The following ZMYM5 variants were observed in gnomAD, a reference collection of about 807,000 sequenced individuals.
The protein encoded by ZMYM5 is zinc finger MYM-type protein 5.
ZMYM5 carries 41 observed loss-of-function variants against 61.8 expected under a neutral mutation model. The observed-to-expected ratio is 0.66, with a 90% confidence interval of 0.52 to 0.86. The LOEUF (loss-of-function observed/expected upper bound fraction) is 0.86. ZMYM5 is among the 40% of genes least tolerant of loss of function. The pLI is 0.00. For missense variants in ZMYM5, 706 were observed against 786.7 expected (o/e 0.90, Z 1.23); for synonymous variants, 257 against 276.4 (o/e 0.93, Z 0.70).
chr13:19,850,972 G>A (rs766797187), intron 4 of ZMYM5, among the ~76,000 whole-genome samples: 5 of 152,216 alleles, frequency 3.3e-5, no homozygotes, highest in Non-Finnish European at 7.3e-5. Context: ...ACTTTGGGAA[G>A]CCAAGACAGG....
At chr13:19,845,129 T>G (rs1953031790) in intron 4 of ZMYM5, among the ~76,000 whole-genome samples, 1 of 152,186 alleles carries the variant, frequency 6.6e-6, no homozygotes, top group Non-Finnish European at 1.5e-5. Flanking sequence ...AATAACAAAC[T>G]ACTAAATGAC....
chr13:19,825,816 G>A (rs951698906), intron 7 of ZMYM5, among the ~76,000 whole-genome samples: 3 of 152,084 alleles, frequency 2.0e-5, no homozygotes, highest in African/African-American at 7.2e-5. Flanking sequence ...CAAGGCGGGT[G>A]GATCAGTTGA....
chr13:19,838,574 A>G, intron 5 of ZMYM5, 126 bp downstream of exon 5: 1 of 1,219,278 alleles, frequency 8.2e-7, no homozygotes, highest in Non-Finnish European at 1.1e-6. Flanking sequence ...CTCAAGCTCA[A>G]TAAACTTGAA....
At position 19,852,154 on chromosome 13, in the gene ZMYM5, T is replaced by C. The variant is rs1226603884; in HGVS notation, c.27A>G (p.Leu9=). The change falls in exon 3 of 8, where the codon TTA becomes TTG. Residue 9 remains leucine (L), a synonymous_variant. Coordinates refer to ENST00000337963, the MANE Select transcript of ZMYM5 (RefSeq NM_001142684.2). MEKCSVGG[L]ELTEQTPALL... ...AAGCAGGAGTCTGTTCAGTCAACTC[T>C]AATCCTCCCACTGAACATTTTTCCA... The C allele has an allele frequency of 6.2e-7, 1 of 1,606,722 alleles. No homozygotes were observed. The highest frequency in any genetic ancestry group is 8.5e-7 in the Non-Finnish European group (1 of 1,178,074).
intron 4 of ZMYM5, among the ~76,000 whole-genome samples, chr13:19,845,446 T>C (rs1953041560): frequency 6.6e-6 from 1 of 152,202 alleles, no homozygotes; most frequent in Non-Finnish European, 1.5e-5. Flanking sequence ...ATGAATGTTA[T>C]CCTAACACCA....
At chr13:19,832,507 A>C (rs183325275) in intron 7 of ZMYM5, among the ~76,000 whole-genome samples, 1 of 150,166 alleles carries the variant, frequency 6.7e-6, no homozygotes, top group East Asian at 2.0e-4. Context: ...TTGCCTTTTT[A>C]GTAGAGACAG....
chr13:19,859,568 G>T (rs1953649459), intron 2 of ZMYM5, among the ~76,000 whole-genome samples: 1 of 150,518 alleles, frequency 6.6e-6, no homozygotes. Flanking sequence ...ATGCCCAGCT[G>T]ATTTTTTTTT....
At chr13:19,837,344 A>G in intron 6 of ZMYM5, 4 of 1,173,840 alleles carry the variant, frequency 3.4e-6, no homozygotes, top group Admixed American at 4.1e-5. Context: ...CCAGCCCTTG[A>G]CCCCCAACTC....
chr13:19,861,720 A>C (rs914294939), intron 2 of ZMYM5, among the ~76,000 whole-genome samples: 6 of 152,174 alleles, frequency 3.9e-5, no homozygotes, highest in African/African-American at 1.4e-4. Context: ...TAAAGAAAAA[A>C]AAATCATTTT....
chr13:19,846,961 T>C (rs67962876), intron 4 of ZMYM5, among the ~76,000 whole-genome samples: 6 of 150,870 alleles, frequency 4.0e-5, no homozygotes, highest in African/African-American at 1.2e-4. Context: ...ATGAAAAAAA[T>C]TTTTTTGAGA....
At chr13:19,850,347 C>G (rs1231281643) in intron 4 of ZMYM5, among the ~76,000 whole-genome samples, 1 of 152,124 alleles carries the variant, frequency 6.6e-6, no homozygotes, top group African/African-American at 2.4e-5. Context: ...CACCTGTAAT[C>G]CCAGCACTTG....
intron 7 of ZMYM5, among the ~76,000 whole-genome samples, chr13:19,833,842 T>C (rs6490487): frequency 0.69 from 104,593 of 152,134 alleles, 38,665 homozygotes; most frequent in East Asian, 0.89. Context: ...CAAATCAGTC[T>C]GAAAGAAAAT....
chr13:19,847,948 C>T (rs924078271), intron 4 of ZMYM5, among the ~76,000 whole-genome samples: 8 of 150,734 alleles, frequency 5.3e-5, no homozygotes, highest in South Asian at 4.2e-4. Flanking sequence ...CCACTGCGCC[C>T]GGACTAGTTT....
rs1251546539 is a variant in ZMYM5, at chr13:19,824,439, A to T, written c.*38T>A. 7.9e-7 allele frequency: 1 copy of T among 1,266,340 alleles called. No individual in the cohort carries two copies. The highest frequency in any genetic ancestry group is 1.5e-5 in the African/African-American group (1 of 64,788). The allele number at this position is 1,266,340 out of a possible 1,614,324, so 78.4% of individuals were successfully genotyped here. A position where few individuals can be genotyped will look rare whatever the true frequency, so the allele number is the denominator to read the frequency against. On this transcript the variant is annotated 3_prime_UTR_variant, in exon 8 of 8. Transcript: ENST00000337963. ...GGACAGATGTTTTCTGAGTAATGTAAGATTCTGATCATCATGCCAAAAAAC... is the reference window on the plus strand; with the variant it reads ...GGACAGATGTTTTCTGAGTAATGTATGATTCTGATCATCATGCCAAAAAAC...
chr13:19,829,388 C>T (rs866039021), intron 7 of ZMYM5, among the ~76,000 whole-genome samples: 4 of 152,248 alleles, frequency 2.6e-5, no homozygotes, highest in Middle Eastern at 6.8e-3. Context: ...ACCTCCCAGG[C>T]TCAAGTGATC....
intron 4 of ZMYM5, 75 bp downstream of exon 4, chr13:19,851,280 A>C (rs1953282895): frequency 7.8e-7 from 1 of 1,285,696 alleles, no homozygotes; most frequent in Non-Finnish European, 1.1e-6. Context: ...TGAATAAAAT[A>C]GATATGAGCT....
intron 2 of ZMYM5, among the ~76,000 whole-genome samples, chr13:19,861,895 A>G (rs1953779134): frequency 6.6e-6 from 1 of 151,974 alleles, no homozygotes; most frequent in Admixed American, 6.6e-5. Flanking sequence ...TAACTTCCTA[A>G]CAGAGAGAGA....
At chr13:19,851,326 A>G in intron 4 of ZMYM5, 29 bp downstream of exon 4, 1 of 1,560,888 alleles carries the variant, frequency 6.4e-7, no homozygotes, top group Non-Finnish European at 8.8e-7. Flanking sequence ...TATTTACTTG[A>G]GGTAGAAACA....
chr13:19,847,920 T>TG (rs1292118426), intron 4 of ZMYM5, among the ~76,000 whole-genome samples: 2 of 150,660 alleles, frequency 1.3e-5, no homozygotes, highest in Non-Finnish European at 2.9e-5. Flanking sequence ...CCCAAAGTGC[T>TG]GGGATTACAG....
Sources: gnomAD v4.1 joint callset for allele counts (sites outside exome capture counted in the v4.1 genomes callset) on GRCh38, gnomAD v4.1.1 for gene constraint, MANE v1.5 for transcripts, NCBI Gene and HGNC (gene_info 2026-07-23, HGNC 2026-07-21) for gene names.